BST1: variants seen among roughly 807,000 people sequenced by gnomAD.
The protein encoded by BST1 is ADP-ribosyl cyclase/cyclic ADP-ribose hydrolase 2.
Under a neutral mutation model 40.6 loss-of-function variants are expected in BST1, and 49 were observed. The ratio of observed to expected loss-of-function variants is 1.21; its 90% CI spans 0.96 to 1.53. BST1 has a LOEUF of 1.53. BST1 is among the 40% of genes most tolerant of loss of function. The pLI, the probability that BST1 is intolerant of heterozygous loss-of-function variation, is 0.00. For synonymous variants in BST1, 157 were observed against 159.3 expected, an observed-to-expected ratio of 0.99 and a Z score of 0.11; for missense variants, 423 against 395.9, an observed-to-expected ratio of 1.07 and a Z score of -0.58.
the BST1 span, among the ~76,000 whole-genome samples, chr4:15,743,895 G>A: frequency 2.0e-5 from 3 of 152,190 alleles, no homozygotes; most frequent in Non-Finnish European, 2.9e-5. Flanking sequence ...CCAGTAAACA[G>A]CATCTGTCCC....
the BST1 span, among the ~76,000 whole-genome samples, chr4:15,766,112 C>T: frequency 6.6e-5 from 10 of 151,922 alleles, no homozygotes; most frequent in East Asian, 1.9e-4. Context: ...CCACTGAGGA[C>T]GTACCTGAGA....
the BST1 span, among the ~76,000 whole-genome samples, chr4:15,746,264 G>A: frequency 2.4e-4 from 37 of 152,220 alleles, no homozygotes; most frequent in African/African-American, 8.9e-4. Context: ...AGGAGGATAT[G>A]ATGAAATCAC....
chr4:15,743,825 A>G, the BST1 span, among the ~76,000 whole-genome samples: 1 of 152,168 alleles, frequency 6.6e-6, no homozygotes, highest in African/African-American at 2.4e-5. Flanking sequence ...GAAAGGGAAG[A>G]TGGGAGCCAG....
chr4:15,731,552 G>A, intron 8 of BST1, 188 bp from the exon 9 acceptor site: 1 of 1,021,964 alleles, frequency 9.8e-7, no homozygotes, highest in South Asian at 1.3e-5. Flanking sequence ...AGAAACTTGG[G>A]GTGCTTGCGC....
chr4:15,733,102 G>A (rs1273765881), downstream of BST1, among the ~76,000 whole-genome samples: 2 of 152,148 alleles, frequency 1.3e-5, no homozygotes, highest in Admixed American at 6.5e-5. Flanking sequence ...ATGTGGAAGG[G>A]GACCCAAGCT....
chr4:15,720,296 T>C (rs1322100718), intron 7 of BST1, among the ~76,000 whole-genome samples: 8 of 152,150 alleles, frequency 5.3e-5, no homozygotes, highest in Admixed American at 3.3e-4. Flanking sequence ...CCTTCCTTAA[T>C]TGAAGCTCCA....
chr4:15,733,975 A>G (rs1577601003), downstream of BST1, among the ~76,000 whole-genome samples: 1 of 152,374 alleles, frequency 6.6e-6, no homozygotes, highest in Middle Eastern at 3.4e-3. Flanking sequence ...CAGATGGTGA[A>G]GGAATAAACT....
the BST1 span, among the ~76,000 whole-genome samples, chr4:15,767,717 C>A: frequency 3.3e-5 from 5 of 151,660 alleles, no homozygotes; most frequent in African/African-American, 1.2e-4. Context: ...AAGGGGCATA[C>A]GTCACTAATA....
chr4:15,747,898 A>G, the BST1 span, among the ~76,000 whole-genome samples: 1 of 152,164 alleles, frequency 6.6e-6, no homozygotes, highest in Admixed American at 6.5e-5. Flanking sequence ...GCTGGTCTCG[A>G]ATTCCTGGCC....
intron 8 of BST1, among the ~76,000 whole-genome samples, chr4:15,725,120 C>T (rs1010192296): frequency 6.8e-6 from 1 of 146,034 alleles, no homozygotes; most frequent in Non-Finnish European, 1.5e-5. Context: ...TAGACAGAAG[C>T]CAGATTTTAT....
At chr4:15,725,383 G>A (rs1721044072) in intron 8 of BST1, among the ~76,000 whole-genome samples, 1 of 152,154 alleles carries the variant, frequency 6.6e-6, no homozygotes, top group Non-Finnish European at 1.5e-5. Context: ...ATGGATTTAA[G>A]TCCTCTCCTC....
the BST1 span, among the ~76,000 whole-genome samples, chr4:15,750,837 A>G: frequency 6.6e-6 from 1 of 152,342 alleles, no homozygotes; most frequent in South Asian, 2.1e-4. Context: ...AGCTGCTTAT[A>G]AAAATGTAAA....
intron 1 of BST1, among the ~76,000 whole-genome samples, chr4:15,704,636 G>A (rs573276873): frequency 1.3e-5 from 2 of 152,144 alleles, no homozygotes; most frequent in African/African-American, 4.8e-5. Flanking sequence ...CCCTCTAGAA[G>A]TGAGGGTGGG....
At chr4:15,718,528 T>A (rs1252391970) in intron 6 of BST1, among the ~76,000 whole-genome samples, 6 of 152,240 alleles carry the variant, frequency 3.9e-5, no homozygotes, top group Non-Finnish European at 2.9e-5. Flanking sequence ...AAACTTCAAA[T>A]GAATATACTG....
chr4:15,729,037 T>A (rs1721257156), intron 8 of BST1, among the ~76,000 whole-genome samples: 1 of 152,202 alleles, frequency 6.6e-6, no homozygotes, highest in Non-Finnish European at 1.5e-5. Flanking sequence ...GTAAAAGAAT[T>A]AAGATTAAAT....
At chr4:15,753,905 G>A in the BST1 span, among the ~76,000 whole-genome samples, 1 of 152,230 alleles carries the variant, frequency 6.6e-6, no homozygotes, top group African/African-American at 2.4e-5. Context: ...CTGGAGAAGA[G>A]CAGTGGCCTC....
intron 8 of BST1, among the ~76,000 whole-genome samples, chr4:15,724,463 G>T (rs913337140): frequency 6.6e-6 from 1 of 152,080 alleles, no homozygotes; most frequent in African/African-American, 2.4e-5. Context: ...GAGGCGGGTG[G>T]ATCACCTGAG....
At chr4:15,743,477 G>GAA in the BST1 span, 1 of 251,254 alleles carries the variant, frequency 4.0e-6, no homozygotes, top group Non-Finnish European at 8.0e-6. Flanking sequence ...AATAGCAGAA[G>GAA]AAAAAAAAAT....
At chr4:15,708,416 C>T (rs760700626) in intron 3 of BST1, among the ~76,000 whole-genome samples, 4 of 152,042 alleles carry the variant, frequency 2.6e-5, no homozygotes, top group Admixed American at 6.6e-5. Context: ...GTGATATGGG[C>T]TATAATGCAG....
Sources: gnomAD v4.1 joint callset for allele counts (sites outside exome capture counted in the v4.1 genomes callset) on GRCh38, gnomAD v4.1.1 for gene constraint, MANE v1.5 for transcripts, NCBI Gene and HGNC (gene_info 2026-07-23, HGNC 2026-07-21) for gene names.